RBMS3: variants seen among roughly 807,000 people sequenced by gnomAD.
RBMS3 encodes RNA binding motif single stranded interacting protein 3, also known as RNA-binding motif, single-stranded-interacting protein 3.
RBMS3 carries 27 observed loss-of-function variants against 66.8 expected under a neutral mutation model. The ratio of observed to expected loss-of-function variants is 0.40; its 90% CI spans 0.30 to 0.56. The LOEUF (loss-of-function observed/expected upper bound fraction) is 0.56, where lower values mean the gene tolerates loss of function less well. Ranked by LOEUF, RBMS3 falls within the 20% of genes least tolerant of loss-of-function variation. The pLI is 0.40. For synonymous variants in RBMS3, 188 were observed against 183.0 expected (o/e 1.03, Z -0.22); for missense variants, 513 against 549.5 (o/e 0.93, Z 0.66).
At chr3:29,959,970 GGC>G (rs1696315684) in intron 12 of RBMS3, among the ~76,000 whole-genome samples, 1 of 151,904 alleles carries the variant, frequency 6.6e-6, no homozygotes, top group Non-Finnish European at 1.5e-5. Flanking sequence ...ATTTCACCCC[GGC>G]CCCTCCCAAA....
chr3:29,538,451 C>A (rs895430290), intron 3 of RBMS3, among the ~76,000 whole-genome samples: 1 of 152,100 alleles, frequency 6.6e-6, no homozygotes, highest in African/African-American at 2.4e-5. Context: ...AAAAAGGATA[C>A]AAATAAGGAA....
chr3:29,310,269 T>A (rs2034292103), intron 1 of RBMS3, among the ~76,000 whole-genome samples: 1 of 151,604 alleles, frequency 6.6e-6, no homozygotes, highest in African/African-American at 2.4e-5. Context: ...AACTTTAATC[T>A]CAGTAAAGTA....
chr3:29,368,246 G>T (rs2038011995), intron 1 of RBMS3, among the ~76,000 whole-genome samples: 1 of 152,164 alleles, frequency 6.6e-6, no homozygotes, highest in Admixed American at 6.6e-5. Context: ...AACCATCAAG[G>T]TCTGTGCAGT....
chr3:29,711,019 G>A (rs191895986), intron 4 of RBMS3, among the ~76,000 whole-genome samples: 3 of 152,180 alleles, frequency 2.0e-5, no homozygotes, highest in Non-Finnish European at 4.4e-5. Context: ...TATTTGCACA[G>A]GATATGTTCC....
chr3:29,924,151 T>G (rs2149663114), intron 10 of RBMS3, among the ~76,000 whole-genome samples: 1 of 152,306 alleles, frequency 6.6e-6, no homozygotes, highest in South Asian at 2.1e-4. Context: ...CCCAAACCAT[T>G]CCACTCTGCT....
At chr3:29,666,437 G>T (rs1028448888) in intron 4 of RBMS3, among the ~76,000 whole-genome samples, 3 of 152,146 alleles carry the variant, frequency 2.0e-5, no homozygotes, top group Non-Finnish European at 4.4e-5. Context: ...CTTAATGAAT[G>T]AGTAAATGCA....
intron 6 of RBMS3, among the ~76,000 whole-genome samples, chr3:29,856,843 A>G (rs1448340498): frequency 6.6e-6 from 1 of 152,158 alleles, no homozygotes; most frequent in Non-Finnish European, 1.5e-5. Context: ...TTATCCATAG[A>G]TGTTTACAGC....
intron 4 of RBMS3, among the ~76,000 whole-genome samples, chr3:29,664,075 C>G (rs58741955): frequency 0.036 from 5,418 of 152,192 alleles, 210 homozygotes; most frequent in African/African-American, 0.091. Flanking sequence ...CTGGTAATCA[C>G]TTCTGATCAT....
At chr3:29,790,403 G>T (rs992054322) in intron 6 of RBMS3, among the ~76,000 whole-genome samples, 1 of 152,102 alleles carries the variant, frequency 6.6e-6, no homozygotes, top group African/African-American at 2.4e-5. Context: ...TTCACTTAAT[G>T]TAGATAGTAT....
chr3:29,614,625 G>A (rs182351062), intron 4 of RBMS3: 35 of 152,154 alleles, frequency 2.3e-4, no homozygotes, highest in Admixed American at 2.1e-3. Context: ...TATTTAGCAC[G>A]GGAACAACTG....
chr3:29,906,038 T>C (rs560697457), intron 10 of RBMS3, among the ~76,000 whole-genome samples: 2 of 152,258 alleles, frequency 1.3e-5, no homozygotes, highest in Non-Finnish European at 2.9e-5. Context: ...GAATATGACA[T>C]ATTTACAACA....
At position 29,520,422 on chromosome 3, in the gene RBMS3, A is replaced by G. The variant is rs185153452; in HGVS notation, c.307+31923A>G. ...GGGGCTTGCACTACATTTCTATTGG[A>G]CAGTACTGATTTTTTAGATTTAAGG... On this transcript the variant is annotated intron_variant, in intron 3 of 14. Transcript: ENST00000383767. 2.9e-3 allele frequency among the ~76,000 whole-genome samples: 441 copies of G among 152,238 alleles called. 1 individual carries two copies. The highest frequency in any genetic ancestry group is 9.7e-3 in the African/African-American group (401 of 41,550).
At chr3:29,385,625 T>G (rs2038977775) in intron 1 of RBMS3, among the ~76,000 whole-genome samples, 1 of 152,068 alleles carries the variant, frequency 6.6e-6, no homozygotes, top group South Asian at 2.1e-4. Flanking sequence ...ACTCACTACC[T>G]CTCCTTACTT....
intron 1 of RBMS3, among the ~76,000 whole-genome samples, chr3:29,365,550 A>G (rs1156711160): frequency 6.7e-6 from 1 of 149,744 alleles, no homozygotes; most frequent in Non-Finnish European, 1.5e-5. Context: ...TACAATGAAC[A>G]TGAAACAAAA....
At chr3:29,500,407 A>G (rs573884462) in intron 3 of RBMS3, among the ~76,000 whole-genome samples, 2 of 149,002 alleles carry the variant, frequency 1.3e-5, no homozygotes, top group Non-Finnish European at 3.0e-5. Context: ...AATAACTCCA[A>G]GTGAAATATA....
At chr3:29,377,545 G>A (rs768055698) in intron 1 of RBMS3, among the ~76,000 whole-genome samples, 9 of 152,048 alleles carry the variant, frequency 5.9e-5, no homozygotes, top group Non-Finnish European at 7.4e-5. Flanking sequence ...TTACCTCCAC[G>A]TTGGCTGCCA....
chr3:29,345,932 A>G (rs540410352), intron 1 of RBMS3, among the ~76,000 whole-genome samples: 2 of 152,346 alleles, frequency 1.3e-5, no homozygotes, highest in South Asian at 4.1e-4. Context: ...GGGAAAAGTG[A>G]AGATGTATGT....
At chr3:29,335,042 T>C (rs1457638898) in intron 1 of RBMS3, among the ~76,000 whole-genome samples, 1 of 152,178 alleles carries the variant, frequency 6.6e-6, no homozygotes, top group Non-Finnish European at 1.5e-5. Flanking sequence ...GGCATTTTCC[T>C]CCTGACTATA....
At chr3:30,001,156 T>G (rs1699591794) in intron 14 of RBMS3, among the ~76,000 whole-genome samples, 2 of 152,130 alleles carry the variant, frequency 1.3e-5, no homozygotes, top group Non-Finnish European at 2.9e-5. Flanking sequence ...TTCATGGCTT[T>G]CTTTATGGGT....
Sources: allele counts gnomAD v4.1 joint callset (sites outside exome capture counted in the v4.1 genomes callset), GRCh38; gene constraint gnomAD v4.1.1; transcripts MANE v1.5; gene names NCBI Gene and HGNC (gene_info 2026-07-23, HGNC 2026-07-21).